The following SLC25A42 variants were observed in gnomAD, a reference collection of about 807,000 sequenced individuals.
SLC25A42 encodes the protein mitochondrial coenzyme A transporter SLC25A42.
In SLC25A42, 19 loss-of-function variants were observed where a neutral mutation model predicts 34.7. The ratio of observed to expected loss-of-function variants is 0.55; its 90% CI spans 0.38 to 0.80. The LOEUF (loss-of-function observed/expected upper bound fraction) is 0.80. SLC25A42 is among the 30% of genes least tolerant of loss of function. SLC25A42 has a pLI of 0.00. For synonymous variants in SLC25A42, 205 were observed against 191.2 expected (o/e 1.07, Z -0.59); for missense variants, 364 against 441.3 (o/e 0.82, Z 1.57).
At chr19:19,094,952 T>C (rs2059756552) in intron 1 of SLC25A42, among the ~76,000 whole-genome samples, 1 of 152,004 alleles carries the variant, frequency 6.6e-6, no homozygotes, top group South Asian at 2.1e-4. Context: ...CCCAGCACTT[T>C]GGGAGGCCAC....
At chr19:19,080,922 TTAAAAA>T (rs1344368129) in intron 1 of SLC25A42, among the ~76,000 whole-genome samples, 1 of 128,432 alleles carries the variant, frequency 7.8e-6, no homozygotes, top group Non-Finnish European at 1.6e-5. Context: ...CCTATAAAAT[TTAAAAA>T]AAAAAAAAAA....
Position 19,111,096 on chromosome 19 carries a change from C to T in SLC25A42, c.*220C>T. ...GTTGGGGCGATGGTGTGGGGGGTCCCGCAGCTCCCCTCTTCCTTCCTCTGC... is the reference window on the plus strand; with the variant it reads ...GTTGGGGCGATGGTGTGGGGGGTCCTGCAGCTCCCCTCTTCCTTCCTCTGC... On this transcript the variant is annotated 3_prime_UTR_variant, in exon 8 of 8. Coordinates refer to ENST00000318596, the MANE Select transcript of SLC25A42 (RefSeq NM_178526.5). 1 of 584,152 alleles carries T rather than the reference C, an allele frequency of 1.7e-6. No homozygotes were observed. The allele number at this position is 584,152 out of a possible 1,614,324, so 36.2% of individuals were successfully genotyped here. A position where few individuals can be genotyped will look rare whatever the true frequency, so the allele number is the denominator to read the frequency against.
In SLC25A42 at chr19:19,110,660, G is replaced by A; in HGVS notation, c.741G>A (p.Leu247=). ...GLIGQSASYP[L]DVVRRRMQTA... is the part of the protein sequence containing the mutation. ...TCGGGCAGTCGGCCTCGTACCCGCTGGATGTGGTGCGGCGGCGCATGCAGA... is the reference window on the plus strand; with the variant it reads ...TCGGGCAGTCGGCCTCGTACCCGCTAGATGTGGTGCGGCGGCGCATGCAGA... The change falls in exon 8 of 8, where the codon CTG becomes CTA. Residue 247 remains leucine (L), a synonymous_variant. Transcript: ENST00000318596. 6.4e-7 allele frequency: 1 copy of A among 1,559,186 alleles called. No homozygotes were observed. The highest frequency in any genetic ancestry group is 8.7e-7 in the Non-Finnish European group (1 of 1,152,888).
chr19:19,070,513 G>T (rs1028183462), intron 1 of SLC25A42, among the ~76,000 whole-genome samples: 2 of 151,384 alleles, frequency 1.3e-5, no homozygotes, highest in Non-Finnish European at 2.9e-5. Context: ...GGCCAGGCTG[G>T]TCTTGAACTG....
intron 4 of SLC25A42, 138 bp downstream of exon 4, chr19:19,105,076 T>C: frequency 1.9e-6 from 2 of 1,065,326 alleles, no homozygotes; most frequent in Non-Finnish European, 2.8e-6. Flanking sequence ...CAGCTCTGCC[T>C]GGACACAGCC....
In SLC25A42 at chr19:19,110,646, G is replaced by T; in HGVS notation, c.727G>T (p.Ala243Ser). Residue 243 changes from alanine to serine, a missense_variant, in exon 8 of 8, where the codon GCC becomes TCC. Ala to Ser is a moderately conservative substitution (Grantham distance 99). Coordinates refer to ENST00000318596, the MANE Select transcript of SLC25A42 (RefSeq NM_178526.5). ...GACAGLIGQS[A>S]SYPLDVVRRR... ...CTGCGCTGGCCTCATCGGGCAGTCG[G>T]CCTCGTACCCGCTGGATGTGGTGCG... is the stretch of plus-strand genomic sequence containing the variant. The T allele has an allele frequency of 6.5e-7, 1 of 1,548,952 alleles. No individual in the cohort carries two copies.
At chr19:19,093,033 T>A (rs1274139728) in intron 1 of SLC25A42, among the ~76,000 whole-genome samples, 1 of 152,102 alleles carries the variant, frequency 6.6e-6, no homozygotes, top group Non-Finnish European at 1.5e-5. Context: ...TTTATTTTTA[T>A]TTTTTGAGAC....
rs2059853894 is a variant in SLC25A42, at chr19:19,109,948, G to C, written c.650-621G>C. 6.6e-6 allele frequency among the ~76,000 whole-genome samples: 1 copy of C among 152,190 alleles called. No homozygotes were observed. The highest frequency in any genetic ancestry group is 2.1e-4 in the South Asian group (1 of 4,828). On this transcript the variant is annotated intron_variant, in intron 7 of 7. Coordinates refer to ENST00000318596, the MANE Select transcript of SLC25A42 (RefSeq NM_178526.5). This position sits in a 1 kb window ranked among gnomAD's most constrained non-coding sequence, Gnocchi z 4.1. The stretch of plus-strand genomic sequence containing the variant: ...CGCAGGTCGGGGACCAGGCACGGGA[G>C]CACCTAGAATGTTCCTTTACTAGAC...
chr19:19,071,335 C>T (rs1233592538), intron 1 of SLC25A42, among the ~76,000 whole-genome samples: 1 of 152,104 alleles, frequency 6.6e-6, no homozygotes, highest in African/African-American at 2.4e-5. Context: ...ATTTTGCTTT[C>T]TGGGCTGTGA....
At chr19:19,098,175 G>C (rs1030047907) in intron 2 of SLC25A42, among the ~76,000 whole-genome samples, 1 of 152,186 alleles carries the variant, frequency 6.6e-6, no homozygotes, top group Admixed American at 6.5e-5. Flanking sequence ...CATTAGAGAG[G>C]AGCTGGAAGT....
intron 2 of SLC25A42, 49 bp downstream of exon 2, chr19:19,096,254 T>TGCCCCCCCCCCCCCC: frequency 2.1e-6 from 3 of 1,456,730 alleles, no homozygotes; most frequent in Non-Finnish European, 2.8e-6. Flanking sequence ...GGCCCCAGCC[T>TGCCCCCCCCCCCCCC]CCCCACCCCC....
At position 19,106,288 on chromosome 19, in the gene SLC25A42, C is replaced by G; in HGVS notation, c.400C>G (p.Arg134Gly). Residue 134 changes from arginine (R) to glycine (G), a missense_variant, in exon 6 of 8, where the codon CGC (arginine) becomes GGC (glycine). By Grantham distance (125) the Arg-to-Gly change is moderately radical (BLOSUM62 -2). Coordinates refer to ENST00000318596, the MANE Select transcript of SLC25A42 (RefSeq NM_178526.5). ...FRGEALPPWP[R>G]LFAGALAGTT... Reference sequence around the variant, plus strand: ...GTTCAGAGCCCTGCCCCCTTGGCCTCGCCTCTTCGCCGGCGCACTGGCTGG... The same window carrying G: ...GTTCAGAGCCCTGCCCCCTTGGCCTGGCCTCTTCGCCGGCGCACTGGCTGG... The G allele has an allele frequency of 5.0e-6, 8 of 1,612,512 alleles. No homozygotes were observed. Among genetic ancestry groups the G allele is most frequent in the Non-Finnish European group, 6.8e-6 (8 of 1,179,934 alleles).
chr19:19,099,168 C>G (rs2059781692), intron 2 of SLC25A42, among the ~76,000 whole-genome samples: 1 of 152,184 alleles, frequency 6.6e-6, no homozygotes, highest in Non-Finnish European at 1.5e-5. Context: ...GCTCATGGAA[C>G]CAGACGTCTG....
rs573594275 is a variant in SLC25A42, at chr19:19,069,852, CTCT to C, written c.-35+5739_-35+5741del. 2.7e-3 allele frequency among the ~76,000 whole-genome samples: 412 copies of C among 149,842 alleles called. 2 individuals carry two copies. The highest frequency in any genetic ancestry group is 9.6e-3 in the African/African-American group (390 of 40,780). On this transcript the variant is annotated intron_variant, in intron 1 of 7. Coordinates refer to ENST00000318596, the MANE Select transcript of SLC25A42 (RefSeq NM_178526.5). ...TCTTTTTTTTTTTTTTTGAGACAAG[CTCT>C]TGCTCTGTTGCCCAGGCTGGACTGC...
At chr19:19,068,878 T>TA (rs1568505422) in intron 1 of SLC25A42, among the ~76,000 whole-genome samples, 7 of 121,548 alleles carry the variant, frequency 5.8e-5, no homozygotes, top group Non-Finnish European at 8.9e-5. Flanking sequence ...ATAAATAAAT[T>TA]AGCTGGCCTT....
chr19:19,068,383 CG>C (rs1310189533), intron 1 of SLC25A42, among the ~76,000 whole-genome samples: 1 of 133,612 alleles, frequency 7.5e-6, no homozygotes, highest in Non-Finnish European at 1.6e-5. Context: ...TATATCATGT[CG>C]GGCCAGGCAT....
chr19:19,086,053 C>T (rs1168800616), intron 1 of SLC25A42, among the ~76,000 whole-genome samples: 1 of 152,224 alleles, frequency 6.6e-6, no homozygotes, highest in African/African-American at 2.4e-5. Flanking sequence ...TCAGATCACC[C>T]GGCCAGTCCT....
intron 1 of SLC25A42, among the ~76,000 whole-genome samples, chr19:19,065,152 C>T (rs991977418): frequency 6.6e-6 from 1 of 152,096 alleles, no homozygotes; most frequent in Non-Finnish European, 1.5e-5. Flanking sequence ...GAAGGGACGG[C>T]CCCTCTGCCA....
At position 19,081,288 on chromosome 19, in the gene SLC25A42, A is replaced by G. The variant is rs2059680730; in HGVS notation, c.-34-14803A>G. The stretch of plus-strand genomic sequence containing the variant: ...ACTTTCCAGCACTGGACCCATAAGG[A>G]ACCACAGGGACCACCACTATGACCA... On this transcript the variant is annotated intron_variant, in intron 1 of 7. Transcript: ENST00000318596. This position sits in a 1 kb window ranked among gnomAD's most constrained non-coding sequence, Gnocchi z 4.5. 6.6e-6 allele frequency among the ~76,000 whole-genome samples: 1 copy of G among 152,054 alleles called. No individual in the cohort carries two copies. The highest frequency in any genetic ancestry group is 2.4e-5 in the African/African-American group (1 of 41,390).
Sources: allele counts gnomAD v4.1 joint callset (sites outside exome capture counted in the v4.1 genomes callset), GRCh38; gene constraint gnomAD v4.1.1; non-coding constraint Gnocchi (gnomAD v3.1); transcripts MANE v1.5; gene names NCBI Gene and HGNC (gene_info 2026-07-23, HGNC 2026-07-21).